Variants in PRKCE observed in about 807,000 individuals in gnomAD.
PRKCE encodes the protein protein kinase C epsilon.
PRKCE carries 16 observed loss-of-function variants against 85.4 expected under a neutral mutation model. The observed-to-expected ratio is 0.19, with a 90% CI of 0.13 to 0.28. The LOEUF (loss-of-function observed/expected upper bound fraction) is 0.28, where lower values mean the gene tolerates loss of function less well. Among genes scored for constraint, PRKCE ranks in the 10% least tolerant of loss-of-function variants. The probability of loss-of-function intolerance (pLI) is 1.00; values close to 1 mark genes in which losing one functional copy is unlikely to be tolerated. For synonymous variants in PRKCE, 388 were observed against 371.5 expected, an observed-to-expected ratio of 1.04 and a Z score of -0.51; for missense variants, 573 against 975.2, an observed-to-expected ratio of 0.59 and a Z score of 5.49.
At position 46,138,280 on chromosome 2, in the gene PRKCE, A is replaced by G. The variant is rs868533426; in HGVS notation, c.1593-6813A>G. On this transcript the variant is annotated intron_variant, in intron 11 of 14. Coordinates refer to ENST00000306156, the MANE Select transcript of PRKCE (RefSeq NM_005400.3). This position sits in a 1 kb window ranked among gnomAD's most constrained non-coding sequence, Gnocchi z 4.2. ...AGATTTCTTTTCCCAGCCCAGAGGA[A>G]TTTTAGTCCAAGCATCAAATAGAGA... Among the ~76,000 whole-genome samples the G allele has an allele frequency of 9.2e-5, 14 of 152,130 alleles. No homozygotes were observed. Among genetic ancestry groups the G allele is most frequent in the Admixed American group, 4.6e-4 (7 of 15,260 alleles).
At chr2:46,150,269 T>C (rs1676489088) in intron 12 of PRKCE, among the ~76,000 whole-genome samples, 1 of 152,196 alleles carries the variant, frequency 6.6e-6, no homozygotes, top group Non-Finnish European at 1.5e-5. Flanking sequence ...CAAGTGACCA[T>C]TGTCAAAGAC....
chr2:46,180,360 G>A (rs1421448142), intron 14 of PRKCE, among the ~76,000 whole-genome samples: 1 of 152,206 alleles, frequency 6.6e-6, no homozygotes, highest in South Asian at 2.1e-4. Flanking sequence ...GAACCTGGGG[G>A]ATGAGGCAAG....
chr2:45,718,678 A>C (rs1187792717), intron 1 of PRKCE, among the ~76,000 whole-genome samples: 1 of 152,140 alleles, frequency 6.6e-6, no homozygotes, highest in Non-Finnish European at 1.5e-5. Context: ...ATACTGGTTC[A>C]AGTCAGGAAA....
At chr2:46,167,076 A>G (rs970779998) in intron 14 of PRKCE, 4 of 152,152 alleles carry the variant, frequency 2.6e-5, no homozygotes, top group African/African-American at 9.7e-5. Context: ...CTCTCTCTCC[A>G]TTCACCACCC....
intron 11 of PRKCE, among the ~76,000 whole-genome samples, chr2:46,127,894 A>T (rs1674017196): frequency 6.6e-6 from 1 of 152,248 alleles, no homozygotes; most frequent in South Asian, 2.1e-4. Context: ...TGTTTCTCAG[A>T]CATGGCCGTG....
chr2:46,064,442 T>C (rs1276968402), intron 10 of PRKCE, among the ~76,000 whole-genome samples: 1 of 152,210 alleles, frequency 6.6e-6, no homozygotes, highest in African/African-American at 2.4e-5. Context: ...ATTAATCAGA[T>C]TTCCTTGCAC....
At chr2:45,943,392 A>C (rs555698925) in intron 2 of PRKCE, among the ~76,000 whole-genome samples, 2 of 152,250 alleles carry the variant, frequency 1.3e-5, no homozygotes, top group Non-Finnish European at 2.9e-5. Flanking sequence ...CTGCCAAAAG[A>C]GGGATAGGGC....
chr2:46,015,710 A>C (rs1478391388), intron 10 of PRKCE, among the ~76,000 whole-genome samples: 3 of 151,794 alleles, frequency 2.0e-5, no homozygotes, highest in African/African-American at 4.8e-5. Flanking sequence ...AAAAAAAAAA[A>C]AAACGAAGTA....
chr2:45,661,731 G>C (rs1392550935), intron 1 of PRKCE, among the ~76,000 whole-genome samples: 2 of 149,820 alleles, frequency 1.3e-5, no homozygotes, highest in African/African-American at 2.5e-5. Flanking sequence ...AGTAAGGAAG[G>C]GGTTTCACCA....
At chr2:46,021,531 A>G (rs1706659798) in intron 10 of PRKCE, among the ~76,000 whole-genome samples, 1 of 152,146 alleles carries the variant, frequency 6.6e-6, no homozygotes, top group Non-Finnish European at 1.5e-5. Context: ...TGAAGAAAGC[A>G]TAGTCCTCCC....
At chr2:46,144,982 T>C in intron 11 of PRKCE, 111 bp from the exon 12 acceptor site, 1 of 1,495,210 alleles carries the variant, frequency 6.7e-7, no homozygotes, top group Non-Finnish European at 9.1e-7. Flanking sequence ...CAAGCTTCTT[T>C]CAGGACTTTT....
intron 1 of PRKCE, among the ~76,000 whole-genome samples, chr2:45,691,577 C>T (rs993697416): frequency 6.6e-5 from 10 of 152,192 alleles, no homozygotes; most frequent in East Asian, 1.9e-4. Context: ...TTCAGGCATC[C>T]GCTTCGTTGA....
chr2:45,883,935 G>C (rs914016725), intron 2 of PRKCE, among the ~76,000 whole-genome samples: 1 of 152,156 alleles, frequency 6.6e-6, no homozygotes, highest in Non-Finnish European at 1.5e-5. Flanking sequence ...TTGCAGAGCT[G>C]AGGTTTTTCC....
Position 45,802,716 on chromosome 2 carries a change from G to A in PRKCE, c.349-40284G>A, listed in dbSNP as rs538438639. Among the ~76,000 whole-genome samples the A allele has an allele frequency of 1.5e-3, 229 of 152,326 alleles. 3 individuals carry two copies. The highest frequency in any genetic ancestry group is 5.1e-3 in the African/African-American group (211 of 41,572). ...TTGACAGATCTCTGAAAGCAGAAAGGCTGGAATACACATGAGCTTTTCTTT... is the reference window on the plus strand; with the variant it reads ...TTGACAGATCTCTGAAAGCAGAAAGACTGGAATACACATGAGCTTTTCTTT... On this transcript the variant is annotated intron_variant, in intron 1 of 14. Coordinates refer to ENST00000306156, the MANE Select transcript of PRKCE (RefSeq NM_005400.3).
intron 14 of PRKCE, among the ~76,000 whole-genome samples, chr2:46,167,188 C>A (rs1678420324): frequency 6.6e-6 from 1 of 152,160 alleles, no homozygotes; most frequent in South Asian, 2.1e-4. Context: ...GCTTTGGAAT[C>A]AGATGCAACC....
intron 1 of PRKCE, among the ~76,000 whole-genome samples, chr2:45,793,896 A>G (rs1391771984): frequency 1.3e-5 from 2 of 149,750 alleles, no homozygotes; most frequent in African/African-American, 2.5e-5. Context: ...GAGTGTTCAC[A>G]TTTTTTTTTT....
chr2:45,867,348 A>G (rs115539517), intron 2 of PRKCE, among the ~76,000 whole-genome samples: 2,107 of 152,304 alleles, frequency 0.014, 56 homozygotes, highest in African/African-American at 0.047. Context: ...CAAACTGAAT[A>G]ATTTTTAAAC....
intron 2 of PRKCE, among the ~76,000 whole-genome samples, chr2:45,921,294 A>G (rs1008576604): frequency 3.3e-5 from 5 of 152,232 alleles, no homozygotes; most frequent in Non-Finnish European, 7.3e-5. Flanking sequence ...CAGAATTCCT[A>G]TAGCCTTTGA....
At chr2:46,158,948 G>A (rs1677483343) in intron 13 of PRKCE, among the ~76,000 whole-genome samples, 1 of 152,082 alleles carries the variant, frequency 6.6e-6, no homozygotes, top group Non-Finnish European at 1.5e-5. Flanking sequence ...ACACATCAAT[G>A]TGATTTTCAC....
Sources: gnomAD v4.1 joint callset for allele counts (sites outside exome capture counted in the v4.1 genomes callset) on GRCh38, gnomAD v4.1.1 for gene constraint, Gnocchi (gnomAD v3.1) non-coding constraint, MANE v1.5 for transcripts, NCBI Gene and HGNC (gene_info 2026-07-23, HGNC 2026-07-21) for gene names.